Variants in CTNNA2 observed in about 807,000 individuals in gnomAD.
The protein encoded by CTNNA2 is catenin alpha-2.
Under a neutral mutation model 101.0 loss-of-function variants are expected in CTNNA2, and 42 were observed. The ratio of observed to expected loss-of-function variants is 0.42; its 90% CI spans 0.32 to 0.54. The LOEUF is 0.54. CTNNA2 is among the 20% of genes least tolerant of loss of function. CTNNA2 has a pLI of 0.14. For synonymous variants in CTNNA2, 450 were observed against 456.4 expected, an observed-to-expected ratio of 0.99 and a Z score of 0.18; for missense variants, 871 against 1,223.1, an observed-to-expected ratio of 0.71 and a Z score of 4.29.
chr2:80,026,693 G>A (rs17040687), intron 7 of CTNNA2, among the ~76,000 whole-genome samples: 5,945 of 152,120 alleles, frequency 0.039, 200 homozygotes, highest in African/African-American at 0.085. Context: ...TACTGGAAAG[G>A]ACCTTGTTTG....
intron 2 of CTNNA2, chr2:79,687,456 T>TG (rs397816572): frequency 1.9e-6 from 1 of 523,358 alleles, no homozygotes; most frequent in Non-Finnish European, 3.4e-6. Flanking sequence ...TTTTTTTTTT[T>TG]GTACCTTCAG....
chr2:79,704,934 G>C (rs1053626255), intron 2 of CTNNA2, among the ~76,000 whole-genome samples: 1 of 139,398 alleles, frequency 7.2e-6, no homozygotes, highest in African/African-American at 2.7e-5. Flanking sequence ...TCTGATGCTC[G>C]AAAGTATGGG....
At chr2:80,333,305 C>T (rs1671498634) in intron 7 of CTNNA2, among the ~76,000 whole-genome samples, 1 of 152,106 alleles carries the variant, frequency 6.6e-6, no homozygotes, top group African/African-American at 2.4e-5. Flanking sequence ...TCACCTACTT[C>T]CAAGAGTTTC....
At chr2:79,389,928 A>T (rs967461392) in intron 4 of CTNNA2, among the ~76,000 whole-genome samples, 1 of 152,198 alleles carries the variant, frequency 6.6e-6, no homozygotes, top group Non-Finnish European at 1.5e-5. Flanking sequence ...TATTTTTATG[A>T]TTACTTCAGA....
At chr2:79,186,017 C>T (rs1673774846) in intron 1 of CTNNA2, among the ~76,000 whole-genome samples, 1 of 152,112 alleles carries the variant, frequency 6.6e-6, no homozygotes, top group Admixed American at 6.5e-5. Context: ...ATGCAGCCAC[C>T]TTTTGAGCAA....
At chr2:80,289,910 G>C in intron 7 of CTNNA2, among the ~76,000 whole-genome samples, 1 of 152,196 alleles carries the variant, frequency 6.6e-6, no homozygotes, top group East Asian at 1.9e-4. Flanking sequence ...CAGTGACCAA[G>C]AGCAGGAATT....
At chr2:79,339,190 C>CA (rs1415739269) in intron 3 of CTNNA2, among the ~76,000 whole-genome samples, 1 of 151,926 alleles carries the variant, frequency 6.6e-6, no homozygotes, top group African/African-American at 2.4e-5. Context: ...AACATGGATA[C>CA]AAAAAGTTGG....
At chr2:79,212,632 C>T (rs762455389) in intron 2 of CTNNA2, among the ~76,000 whole-genome samples, 3 of 152,116 alleles carry the variant, frequency 2.0e-5, no homozygotes, top group South Asian at 2.1e-4. Flanking sequence ...GGTCCACTAT[C>T]GGACTGCGTA....
rs375645223 is a variant in CTNNA2, at chr2:80,601,417, C to CTTTTTTTTTTTTTTTTT, written c.2190-2654_2190-2653insTTTTTTTTTTTTTTTTT. On this transcript the variant is annotated intron_variant, in intron 15 of 18. Transcript: ENST00000402739. ...GATTTAATGACTTTTTTCTTTCTTT[C>CTTTTTTTTTTTTTTTTT]TTTCTTTTTTTTTTTTTTTGATGAG... 2.1e-3 allele frequency among the ~76,000 whole-genome samples: 202 copies of CTTTTTTTTTTTTTTTTT among 94,058 alleles called. 8 individuals carry two copies. Among genetic ancestry groups the CTTTTTTTTTTTTTTTTT allele is most frequent in the Non-Finnish European group, 2.9e-3 (133 of 45,556 alleles). 61.7% of individuals were successfully genotyped at this position (94,058 alleles called of 152,430 possible). A position where few individuals can be genotyped will look rare whatever the true frequency, so the allele number is the denominator to read the frequency against.
At chr2:79,947,410 C>CT (rs1210604592) in intron 7 of CTNNA2, among the ~76,000 whole-genome samples, 1 of 152,054 alleles carries the variant, frequency 6.6e-6, no homozygotes, top group African/African-American at 2.4e-5. Flanking sequence ...TATTTGTTTT[C>CT]TAAGTTTTTA....
In CTNNA2 at chr2:79,743,896, T is replaced by A. The variant is rs138703534; in HGVS notation, c.103-491T>A. On this transcript the variant is annotated intron_variant, in intron 2 of 18. Transcript: ENST00000402739. The stretch of plus-strand genomic sequence containing the variant: ...AATAGCAAAGGTCTTCGAAAGTCCT[T>A]GGAAAATAACACATAAGTACCGGGT... 5.8e-3 allele frequency among the ~76,000 whole-genome samples: 886 copies of A among 152,298 alleles called. 11 individuals carry two copies. The highest frequency in any genetic ancestry group is 0.02 in the African/African-American group (834 of 41,558).
chr2:80,442,479 T>G (rs906266772), intron 9 of CTNNA2, among the ~76,000 whole-genome samples: 1 of 152,224 alleles, frequency 6.6e-6, no homozygotes, highest in African/African-American at 2.4e-5. Context: ...ACACATGCAG[T>G]GACCCCCATC....
chr2:79,599,552 T>G (rs768963743), intron 1 of CTNNA2, among the ~76,000 whole-genome samples: 3 of 152,172 alleles, frequency 2.0e-5, no homozygotes, highest in Non-Finnish European at 4.4e-5. Context: ...TAAGACTGTT[T>G]GGACACTATT....
chr2:80,512,651 T>G (rs1688797127), intron 9 of CTNNA2, among the ~76,000 whole-genome samples: 1 of 146,100 alleles, frequency 6.8e-6, no homozygotes, highest in Non-Finnish European at 1.5e-5. Flanking sequence ...TTGGAAAATA[T>G]ATATGGCTAT....
At chr2:79,410,450 G>C (rs549973110) in intron 4 of CTNNA2, among the ~76,000 whole-genome samples, 1 of 151,904 alleles carries the variant, frequency 6.6e-6, no homozygotes, top group Non-Finnish European at 1.5e-5. Flanking sequence ...GTCATAGATA[G>C]CTCTTTTTAT....
intron 3 of CTNNA2, among the ~76,000 whole-genome samples, chr2:79,774,539 A>C (rs1464004791): frequency 6.6e-6 from 1 of 152,188 alleles, no homozygotes; most frequent in Non-Finnish European, 1.5e-5. Context: ...GGAGTCACAC[A>C]GGAAAATGAG....
Position 80,302,133 on chromosome 2 carries a change from G to C in CTNNA2, c.1057-91078G>C, listed in dbSNP as rs1373220557. On this transcript the variant is annotated intron_variant, in intron 7 of 18. Coordinates refer to ENST00000402739, the MANE Select transcript of CTNNA2 (RefSeq NM_001282597.3). This position sits in a 1 kb window ranked among gnomAD's most constrained non-coding sequence, Gnocchi z 6.4. ...AGTCTCTGGGAGAGATCCCCTTAAA[G>C]TTTCAGTCAAGGAGCATATCAGAGC... 7.7e-7 allele frequency: 1 copy of C among 1,300,872 alleles called. No homozygotes were observed. The highest frequency in any genetic ancestry group is 1.0e-6 in the Non-Finnish European group (1 of 966,042). The allele number at this position is 1,300,872 out of a possible 1,614,324, so 80.6% of individuals were successfully genotyped here.
At chr2:80,575,259 G>A (rs1694936765) in intron 13 of CTNNA2, 1 of 152,118 alleles carries the variant, frequency 6.6e-6, no homozygotes, top group Non-Finnish European at 1.5e-5. Flanking sequence ...ATCCACACTT[G>A]TAACTTAAAA....
chr2:79,347,623 T>C (rs1677290555), intron 3 of CTNNA2, among the ~76,000 whole-genome samples: 1 of 152,098 alleles, frequency 6.6e-6, no homozygotes. Flanking sequence ...CATTATTCTA[T>C]CTCCTTTGTA....
Sources: allele counts gnomAD v4.1 joint callset (sites outside exome capture counted in the v4.1 genomes callset), GRCh38; gene constraint gnomAD v4.1.1; non-coding constraint Gnocchi (gnomAD v3.1); transcripts MANE v1.5; gene names NCBI Gene and HGNC (gene_info 2026-07-23, HGNC 2026-07-21).